TF: variants seen among roughly 807,000 people sequenced by gnomAD.
TF encodes serotransferrin.
In TF, 55 loss-of-function variants were observed where a neutral mutation model predicts 82.4. That is an observed-to-expected ratio of 0.67 (90% CI 0.54 to 0.84). TF has a LOEUF of 0.84. TF is among the 40% of genes least tolerant of loss of function. The pLI is 0.00. For missense variants in TF, 737 were observed against 868.4 expected (o/e 0.85, Z 1.90); for synonymous variants, 332 against 332.6 (o/e 1.00, Z 0.02).
chr3:133,695,980 A>T, the TF span, among the ~76,000 whole-genome samples: 1 of 152,216 alleles, frequency 6.6e-6, no homozygotes, highest in Non-Finnish European at 1.5e-5. Context: ...TCAGAACAGC[A>T]AGCAATGTAA....
At chr3:133,764,394 C>T (rs1934073768) in intron 10 of TF, 119 bp downstream of exon 10, 4 of 855,580 alleles carry the variant, frequency 4.7e-6, no homozygotes, top group East Asian at 2.5e-5. Flanking sequence ...TCTCTGAGCA[C>T]CTCCTACTTT....
the TF span, among the ~76,000 whole-genome samples, chr3:133,728,823 T>A: frequency 1.3e-5 from 2 of 152,222 alleles, no homozygotes; most frequent in South Asian, 2.1e-4. Flanking sequence ...GATGTACAGA[T>A]GGGTTTTTGG....
At chr3:133,672,079 C>G in the TF span, among the ~76,000 whole-genome samples, 5 of 152,008 alleles carry the variant, frequency 3.3e-5, no homozygotes, top group African/African-American at 9.7e-5. Flanking sequence ...AGGATAAGAT[C>G]ATGAATGATT....
At chr3:133,741,751 T>C (rs1439346513), upstream of TF, among the ~76,000 whole-genome samples, 2 of 152,336 alleles carry the variant, frequency 1.3e-5, no homozygotes, top group South Asian at 4.1e-4. Flanking sequence ...ATAGCTTACA[T>C]TCCTGGAATA....
the TF span, among the ~76,000 whole-genome samples, chr3:133,723,344 C>A: frequency 6.6e-6 from 1 of 151,992 alleles, no homozygotes; most frequent in Non-Finnish European, 1.5e-5. Context: ...AAGTTTTTAG[C>A]TATTATTTCA....
intron 2 of TF, 163 bp downstream of exon 2, chr3:133,748,747 T>A: frequency 1.1e-6 from 1 of 928,834 alleles, no homozygotes; most frequent in Non-Finnish European, 1.7e-6. Context: ...AGGTTTTCTT[T>A]AATGTGTCTG....
chr3:133,757,003 G>A lies in TF; in HGVS notation c.864G>A (p.Gln288=). The A allele has an allele frequency of 6.2e-7, 1 of 1,614,170 alleles. No homozygotes were observed. Among genetic ancestry groups the A allele is most frequent in the African/African-American group, 1.3e-5 (1 of 75,044 alleles). ...KEDLIWELLN[Q]AQEHFGKDKS... is the part of the protein sequence containing the mutation. Reference sequence around the variant, plus strand: ...ACTTGATCTGGGAGCTTCTCAACCAGGCCCAGGTATCCCCACCTGCCATCC... The same window carrying A: ...ACTTGATCTGGGAGCTTCTCAACCAAGCCCAGGTATCCCCACCTGCCATCC... Residue 288 remains glutamine, a synonymous_variant, in exon 7 of 17, where the codon CAG becomes CAA. Transcript: ENST00000402696.
At chr3:133,683,189 A>C in the TF span, among the ~76,000 whole-genome samples, 2 of 152,330 alleles carry the variant, frequency 1.3e-5, no homozygotes, top group East Asian at 3.9e-4. Flanking sequence ...GCCTTACAAG[A>C]GCTCCTGAAG....
At chr3:133,670,430 A>G in the TF span, among the ~76,000 whole-genome samples, 1 of 152,244 alleles carries the variant, frequency 6.6e-6, no homozygotes, top group Non-Finnish European at 1.5e-5. Context: ...ACCAAAGCAC[A>G]GAAATGACTT....
the TF span, among the ~76,000 whole-genome samples, chr3:133,683,697 T>C: frequency 6.6e-6 from 1 of 152,314 alleles, no homozygotes; most frequent in African/African-American, 2.4e-5. Flanking sequence ...CCCAGATTCG[T>C]AAAGCAAATC....
At position 133,780,625 on chromosome 3, in the gene TF, A is replaced by G. The variant is rs1934495990; in HGVS notation, c.*2005A>G. The G allele has an allele frequency of 6.6e-6, 1 of 152,222 alleles. No individual in the cohort carries two copies. The highest frequency in any genetic ancestry group is 6.5e-5 in the Admixed American group (1 of 15,282). The allele number at this position is 152,222 out of a possible 1,614,324, so 9.4% of individuals were successfully genotyped here. ...GAACAGGTGGCCAATCCAATTATACAAGAAAAATAAGTTATAATATTTAAA... is the reference window on the plus strand; with the variant it reads ...GAACAGGTGGCCAATCCAATTATACGAGAAAAATAAGTTATAATATTTAAA... On this transcript the variant is annotated 3_prime_UTR_variant, in exon 17 of 17. Coordinates refer to ENST00000402696, the MANE Select transcript of TF (RefSeq NM_001063.4).
At chr3:133,676,860 G>C in the TF span, among the ~76,000 whole-genome samples, 1 of 152,198 alleles carries the variant, frequency 6.6e-6, no homozygotes, top group Non-Finnish European at 1.5e-5. Context: ...AATTCACCCT[G>C]TGTTTATAAA....
the TF span, among the ~76,000 whole-genome samples, chr3:133,723,637 TTTA>T: frequency 0.019 from 2,774 of 143,516 alleles, 43 homozygotes; most frequent in Non-Finnish European, 0.024. Context: ...GTTTGGTTCT[TTTA>T]TTATTATTAT....
At position 133,768,089 on chromosome 3, in the gene TF, T is replaced by C. The variant is rs1934169737; in HGVS notation, c.1547T>C (p.Leu516Pro). The change falls in exon 13 of 17, where the codon CTG becomes CCG. Residue 516 changes from leucine to proline, a missense_variant. Transcript: ENST00000402696. Reference sequence around the variant, plus strand: ...AAGAAAGACTCCAGTCTCTGTAAGCTGTGTATGGGCTCAGGCCTAAACCTG... The same window carrying C: ...AAGAAAGACTCCAGTCTCTGTAAGCCGTGTATGGGCTCAGGCCTAAACCTG... ...GSKKDSSLCK[L>P]CMGSGLNLCE... 1 of 1,614,118 alleles carries C rather than the reference T, an allele frequency of 6.2e-7. No individual in the cohort carries two copies. The highest frequency in any genetic ancestry group is 8.5e-7 in the Non-Finnish European group (1 of 1,180,038).
the TF span, among the ~76,000 whole-genome samples, chr3:133,740,451 C>T: frequency 6.6e-6 from 1 of 152,078 alleles, no homozygotes; most frequent in Non-Finnish European, 1.5e-5. Flanking sequence ...ATGCCTCAGC[C>T]TCCCGAGTAG....
chr3:133,756,214 C>T, intron 5 of TF, 68 bp from the exon 6 acceptor site: 1 of 1,498,910 alleles, frequency 6.7e-7, no homozygotes, highest in South Asian at 1.2e-5. Flanking sequence ...ACAGTGTGAT[C>T]AGACTCTCCA....
the TF span, among the ~76,000 whole-genome samples, chr3:133,714,164 G>T: frequency 6.6e-6 from 1 of 152,168 alleles, no homozygotes; most frequent in East Asian, 1.9e-4. Context: ...GGCAAGTCAT[G>T]CTGTGTGGAG....
In TF at chr3:133,782,345, G is replaced by A. The variant is rs1267778350; in HGVS notation, c.*3725G>A. On this transcript the variant is annotated 3_prime_UTR_variant, in exon 17 of 17. Coordinates refer to ENST00000402696, the MANE Select transcript of TF (RefSeq NM_001063.4). ...CTTGTAGAGATAAATGTGATCCCACGTTCATTGCAGCATTGCAGCCAATAT... is the reference window on the plus strand; with the variant it reads ...CTTGTAGAGATAAATGTGATCCCACATTCATTGCAGCATTGCAGCCAATAT... 1.3e-5 allele frequency: 2 copies of A among 152,236 alleles called. No homozygotes were observed. The highest frequency in any genetic ancestry group is 6.5e-5 in the Admixed American group (1 of 15,302). 9.4% of individuals were successfully genotyped at this position (152,236 alleles called of 1,614,324 possible). A position where few individuals can be genotyped will look rare whatever the true frequency, so the allele number is the denominator to read the frequency against.
At position 133,794,192 on chromosome 3, in the gene TF, G is replaced by A. The variant is rs150914257; in HGVS notation, c.*15572G>A. On this transcript the variant is annotated 3_prime_UTR_variant, in exon 17 of 17. Coordinates refer to ENST00000402696, the MANE Select transcript of TF (RefSeq NM_001063.4). ...ACCTTGTCCTTCCTAAGTCGTTAAAGCTTTTGTTAGTAAAATTTCTGCATT... is the reference window on the plus strand; with the variant it reads ...ACCTTGTCCTTCCTAAGTCGTTAAAACTTTTGTTAGTAAAATTTCTGCATT... 10 of 152,138 alleles carry A rather than the reference G, an allele frequency of 6.6e-5. No individual in the cohort carries two copies. Among genetic ancestry groups the A allele is most frequent in the African/African-American group, 2.4e-4 (10 of 41,428 alleles). The allele number at this position is 152,138 out of a possible 1,614,324, so 9.4% of individuals were successfully genotyped here.
Sources: allele counts gnomAD v4.1 joint callset (sites outside exome capture counted in the v4.1 genomes callset), GRCh38; gene constraint gnomAD v4.1.1; transcripts MANE v1.5; gene names NCBI Gene and HGNC (gene_info 2026-07-23, HGNC 2026-07-21).